Variants in ABCC1 observed in about 807,000 individuals in gnomAD.
ABCC1 encodes the protein multidrug resistance-associated protein 1.
A neutral mutation model predicts 172.9 loss-of-function variants in ABCC1; 83 were observed. The observed-to-expected ratio is 0.48, with a 90% CI of 0.40 to 0.58. The LOEUF (loss-of-function observed/expected upper bound fraction) is 0.58, where lower values mean the gene tolerates loss of function less well. Among genes scored for constraint, ABCC1 ranks in the 20% least tolerant of loss-of-function variants. The probability of loss-of-function intolerance (pLI) is 0.00; values close to 1 mark genes in which losing one functional copy is unlikely to be tolerated. For missense variants in ABCC1, 1,817 were observed against 2,002.7 expected (o/e 0.91, Z 1.77); for synonymous variants, 937 against 825.2 (o/e 1.14, Z -2.32).
At position 16,079,431 on chromosome 16, in the gene ABCC1, G is replaced by C; in HGVS notation, c.2068G>C (p.Ala690Pro). Residue 690 changes from alanine to proline, a missense_variant, in exon 16 of 31, where the codon GCC becomes CCC. By Grantham distance (27) the Ala-to-Pro change is conservative. Coordinates refer to ENST00000399410, the MANE Select transcript of ABCC1 (RefSeq NM_004996.4). ...CTGCGGAAAGTCGTCCCTGCTCTCAGCCCTCTTGGCTGAGATGGACAAAGT... is the reference window on the plus strand; with the variant it reads ...CTGCGGAAAGTCGTCCCTGCTCTCACCCCTCTTGGCTGAGATGGACAAAGT... The part of the protein sequence containing the change: ...VGCGKSSLLS[A>P]LLAEMDKVEG... 2 of 1,614,012 alleles carry C rather than the reference G, an allele frequency of 1.2e-6. No individual in the cohort carries two copies. Among genetic ancestry groups the C allele is most frequent in the Non-Finnish European group, 8.5e-7 (1 of 1,179,914 alleles).
chr16:16,034,365 T>G (rs1027958871), intron 6 of ABCC1, among the ~76,000 whole-genome samples: 1 of 152,122 alleles, frequency 6.6e-6, no homozygotes, highest in African/African-American at 2.4e-5. Flanking sequence ...TTTAAAAAAT[T>G]AGATGTTTTA....
chr16:15,949,694 C>T lies in ABCC1; in HGVS notation c.-58C>T. 1 of 1,032,448 alleles carries T rather than the reference C, an allele frequency of 9.7e-7. No individual in the cohort carries two copies. Among genetic ancestry groups the T allele is most frequent in the Non-Finnish European group, 1.2e-6 (1 of 859,210 alleles). 64.0% of individuals were successfully genotyped at this position (1,032,448 alleles called of 1,614,324 possible). A position where few individuals can be genotyped will look rare whatever the true frequency, so the allele number is the denominator to read the frequency against. ...CGCCCGGTGCCCGCCGCCGCCCGCGCCAGCAACCGGGCCCGATCACCCGCC... is the reference window on the plus strand; with the variant it reads ...CGCCCGGTGCCCGCCGCCGCCCGCGTCAGCAACCGGGCCCGATCACCCGCC... On this transcript the variant is annotated 5_prime_UTR_variant, in exon 1 of 31. Transcript: ENST00000399410.
At chr16:16,071,621 C>T (rs1380939032) in intron 13 of ABCC1, 21 bp from the exon 14 acceptor site, 3 of 1,608,622 alleles carry the variant, frequency 1.9e-6, no homozygotes, top group Admixed American at 1.7e-5. Flanking sequence ...TAACTCTCCC[C>T]TGCCATTGCT....
chr16:15,958,949 C>A (rs1415261417), intron 1 of ABCC1, among the ~76,000 whole-genome samples: 12 of 152,184 alleles, frequency 7.9e-5, no homozygotes, highest in Admixed American at 7.9e-4. Flanking sequence ...CTAGTAGATG[C>A]TGGTAGCACC....
chr16:15,981,976 T>G (rs2151588048), intron 1 of ABCC1, among the ~76,000 whole-genome samples: 1 of 152,294 alleles, frequency 6.6e-6, no homozygotes, highest in Middle Eastern at 3.4e-3. Context: ...GCCACTCTTT[T>G]TGCTTAAGCA....
intron 28 of ABCC1, among the ~76,000 whole-genome samples, chr16:16,136,013 CT>C (rs71137916): frequency 0.65 from 95,573 of 146,866 alleles, 30,983 homozygotes; most frequent in South Asian, 0.82. Context: ...ACTTTCCAGA[CT>C]TTTTTTTTTT....
At chr16:16,087,235 C>T (rs1002478685) in intron 18 of ABCC1, among the ~76,000 whole-genome samples, 1 of 152,164 alleles carries the variant, frequency 6.6e-6, no homozygotes, top group African/African-American at 2.4e-5. Flanking sequence ...CAAGGGAGGC[C>T]TCTCTTCCTG....
intron 28 of ABCC1, among the ~76,000 whole-genome samples, chr16:16,134,738 G>C (rs958326197): frequency 8.8e-5 from 13 of 148,236 alleles, no homozygotes; most frequent in African/African-American, 3.0e-4. Context: ...CCAGGCTCAA[G>C]CGATTCTCCC....
At position 16,009,829 on chromosome 16, in the gene ABCC1, C is replaced by A. The variant is rs2047705238; in HGVS notation, c.279C>A (p.Phe93Leu). The A allele has an allele frequency of 3.7e-6, 6 of 1,611,770 alleles. No homozygotes were observed. In the African/African-American group the frequency reaches 8.0e-5, roughly 22 times the overall value. The change falls in exon 3 of 31, where the codon TTC (phenylalanine) becomes TTA (leucine). Residue 93 changes from phenylalanine to leucine, a missense_variant. Physicochemically the swap from Phe to Leu is conservative, Grantham distance 22. Coordinates refer to ENST00000399410, the MANE Select transcript of ABCC1 (RefSeq NM_004996.4). ...GCTGGGCAGACCTCTTCTACTCTTT[C>A]TGGGAAAGAAGTCGGGGCATATTCC... ...IVCWADLFYS[F>L]WERSRGIFLA...
At chr16:15,979,462 C>T (rs962716374) in intron 1 of ABCC1, among the ~76,000 whole-genome samples, 3 of 152,008 alleles carry the variant, frequency 2.0e-5, no homozygotes, top group African/African-American at 7.3e-5. Context: ...GTGAAAATTG[C>T]GTATAGCCAA....
intron 20 of ABCC1, among the ~76,000 whole-genome samples, chr16:16,103,810 C>T (rs1027145327): frequency 1.3e-5 from 2 of 152,126 alleles, no homozygotes; most frequent in African/African-American, 2.4e-5. Context: ...ATCATCCGGA[C>T]ATGGTTATGG....
rs534599286 is a variant in ABCC1 at position 16,014,452 on chromosome 16, A to G, written c.352-39A>G. On this transcript the variant is annotated intron_variant, in intron 3 of 30. Coordinates refer to ENST00000399410, the MANE Select transcript of ABCC1 (RefSeq NM_004996.4). ...ACAAGAGTGAAACTCTGTCTCAAAA[A>G]AAAACCCAACAACTCCTGTCTTGTG... The G allele has an allele frequency of 6.7e-5, 108 of 1,601,980 alleles. 3 individuals are homozygous for G. The South Asian group carries it at 1.2e-3, about 18-fold the overall frequency.
At chr16:16,102,567 C>T in intron 19 of ABCC1, 60 bp from the exon 20 acceptor site, 2 of 1,511,152 alleles carry the variant, frequency 1.3e-6, no homozygotes, top group Non-Finnish European at 1.8e-6. Flanking sequence ...TTTTGTTGCC[C>T]TTGGTTTTAG....
Position 16,111,594 on chromosome 16 carries a change from T to G in ABCC1, c.3079+12T>G. 6.2e-7 allele frequency: 1 copy of G among 1,607,948 alleles called. No individual in the cohort carries two copies. The highest frequency in any genetic ancestry group is 8.5e-7 in the Non-Finnish European group (1 of 1,177,362). On this transcript the variant is annotated intron_variant, in intron 22 of 30. Coordinates refer to ENST00000399410, the MANE Select transcript of ABCC1 (RefSeq NM_004996.4). ...GGGCATTTCACAAGGTTGGTGCCGCTGTCTCCCACCCCGCCTGATTTGGGC... is the reference window on the plus strand; with the variant it reads ...GGGCATTTCACAAGGTTGGTGCCGCGGTCTCCCACCCCGCCTGATTTGGGC...
rs148145865 is a variant in ABCC1 at position 15,966,024 on chromosome 16, A to G, written c.48+16225A>G. ...AAGGCTTCACTCTAGCCATTGTCTT[A>G]TTTTCTAAAAGTGAGCTGGCCCAGC... On this transcript the variant is annotated intron_variant, in intron 1 of 30. Coordinates refer to ENST00000399410, the MANE Select transcript of ABCC1 (RefSeq NM_004996.4). 4.3e-3 allele frequency among the ~76,000 whole-genome samples: 660 copies of G among 152,160 alleles called. 5 individuals are homozygous for G. The highest frequency in any genetic ancestry group is 0.015 in the African/African-American group (612 of 41,508).
chr16:16,048,251 T>C lies in ABCC1; in HGVS notation c.1328T>C (p.Met443Thr). 6.2e-7 allele frequency: 1 copy of C among 1,614,114 alleles called. No homozygotes were observed. The highest frequency in any genetic ancestry group is 8.5e-7 in the Non-Finnish European group (1 of 1,179,968). The change falls in exon 10 of 31, where the codon ATG becomes ACG. Residue 443 changes from methionine to threonine, a missense_variant. Around this residue, in one of 3 missense-constraint regions of ABCC1, gnomAD observed 1,412 missense variants for 1,600.3 expected, o/e 0.88. Coordinates refer to ENST00000399410, the MANE Select transcript of ABCC1 (RefSeq NM_004996.4). ...ATGGACTTGGCCACGTACATTAACA[T>C]GATCTGGTCAGCCCCCCTGCAAGTC... is the stretch of plus-strand genomic sequence containing the variant. ...RFMDLATYIN[M>T]IWSAPLQVIL...
intron 5 of ABCC1, among the ~76,000 whole-genome samples, chr16:16,028,337 G>A (rs2048445934): frequency 2.0e-5 from 3 of 152,240 alleles, no homozygotes; most frequent in East Asian, 3.9e-4. Flanking sequence ...TGGGGCAGGG[G>A]TCTCGCTGTC....
Position 16,012,080 on chromosome 16 carries a change from G to A in ABCC1, c.351+2179G>A, listed in dbSNP as rs7196697. Among the ~76,000 whole-genome samples, 1,322 of 152,302 alleles carry A rather than the reference G, an allele frequency of 8.7e-3. 14 individuals are homozygous for A. The highest frequency in any genetic ancestry group is 0.03 in the African/African-American group (1,261 of 41,572). ...GCCTCCTAAAGTGCTAGGATTATAG[G>A]TGTGAGCCACCATGCCCTGCCCAGA... On this transcript the variant is annotated intron_variant, in intron 3 of 30. Transcript: ENST00000399410.
chr16:16,134,211 G>A (rs2045823121), intron 27 of ABCC1, 139 bp from the exon 28 acceptor site: 1 of 1,021,882 alleles, frequency 9.8e-7, no homozygotes, highest in Non-Finnish European at 1.5e-6. Context: ...TCTCTGGGCA[G>A]CGCGCAAGGG....
Sources: allele counts gnomAD v4.1 joint callset (sites outside exome capture counted in the v4.1 genomes callset), GRCh38; gene constraint gnomAD v4.1.1; regional missense constraint gnomAD v4.1.1; transcripts MANE v1.5; gene names NCBI Gene and HGNC (gene_info 2026-07-23, HGNC 2026-07-21).